The following GSTM3 variants were observed in gnomAD, a reference collection of about 807,000 sequenced individuals.
GSTM3 encodes glutathione S-transferase mu 3.
In GSTM3, 34 loss-of-function variants were observed where a neutral mutation model predicts 36.1. That is an observed-to-expected ratio of 0.94 (90% CI 0.72 to 1.25). GSTM3 has a LOEUF of 1.25. Among genes scored for constraint, GSTM3 ranks in the 50% most tolerant of loss-of-function variants. The pLI is 0.00. For missense variants in GSTM3, 266 were observed against 281.6 expected (o/e 0.94, Z 0.40); for synonymous variants, 102 against 99.5 (o/e 1.03, Z -0.15).
intron 8 of GSTM3, 45 bp downstream of exon 8, chr1:109,737,412 G>A (rs1188160129): frequency 8.3e-7 from 1 of 1,203,444 alleles, no homozygotes; most frequent in Non-Finnish European, 1.2e-6. Context: ...GGTCCCAGGG[G>A]AGCCTGTGAG....
intron 4 of GSTM3, among the ~76,000 whole-genome samples, chr1:109,738,637 A>G (rs1384366639): frequency 6.6e-6 from 1 of 152,204 alleles, no homozygotes; most frequent in Non-Finnish European, 1.5e-5. Flanking sequence ...CAAAATAGAT[A>G]ATTTACACAA....
Position 109,736,059 on chromosome 1 carries a change from T to C in GSTM3, c.*1012A>G, listed in dbSNP as rs1649191264. ...TTGACCAGCAGGAAATGCATATCAC[T>C]TTCCTAAGCCTTGCCAACACTTTAG... is the stretch of plus-strand genomic sequence containing the variant. On this transcript the variant is annotated 3_prime_UTR_variant, in exon 9 of 9. Coordinates refer to ENST00000361066, the MANE Select transcript of GSTM3 (RefSeq NM_000849.5). 1 of 152,240 alleles carries C rather than the reference T, an allele frequency of 6.6e-6. No homozygotes were observed. The highest frequency in any genetic ancestry group is 2.4e-5 in the African/African-American group (1 of 41,464). The allele number at this position is 152,240 out of a possible 1,614,324, so 9.4% of individuals were successfully genotyped here.
chr1:109,738,276 C>T lies in GSTM3; in HGVS notation c.271+9G>A. The T allele has an allele frequency of 6.2e-7, 1 of 1,611,478 alleles. No homozygotes were observed. Among genetic ancestry groups the T allele is most frequent in the Non-Finnish European group, 8.5e-7 (1 of 1,177,518 alleles). ...GCCTGGGGTCCCTCACCAGCCCTAC[C>T]CCACTCACACATGTTGTGCTTGCGA... On this transcript the variant is annotated intron_variant, in intron 5 of 8. Transcript: ENST00000361066.
Position 109,739,840 on chromosome 1 carries a change from G to A in GSTM3, c.117C>T (p.Cys39=), listed in dbSNP as rs1477061826. ...DTSYEEKRYT[C]GEAPDYDRSQ... Reference sequence around the variant, plus strand: ...CACGCGGAGCGGCATTACCTTCCCCGCACGTGTACCGTTTCTCCTCATAAG... The same window carrying A: ...CACGCGGAGCGGCATTACCTTCCCCACACGTGTACCGTTTCTCCTCATAAG... The change falls in exon 3 of 9, where the codon TGC becomes TGT. Residue 39 remains cysteine, a synonymous_variant. Coordinates refer to ENST00000361066, the MANE Select transcript of GSTM3 (RefSeq NM_000849.5). The A allele has an allele frequency of 6.5e-7, 1 of 1,550,198 alleles. No individual in the cohort carries two copies. The highest frequency in any genetic ancestry group is 8.7e-7 in the Non-Finnish European group (1 of 1,145,182).
intron 4 of GSTM3, 55 bp from the exon 5 acceptor site, chr1:109,738,421 C>T (rs971693387): frequency 7.2e-6 from 8 of 1,118,852 alleles, no homozygotes; most frequent in African/African-American, 1.5e-5. Context: ...TGATTCCCTA[C>T]CTCTCTCTCC....
chr1:109,740,681 G>A (rs868451547), intron 1 of GSTM3, among the ~76,000 whole-genome samples, 170 bp from the exon 2 acceptor site: 1 of 152,240 alleles, frequency 6.6e-6, no homozygotes, highest in South Asian at 2.1e-4. Context: ...TACCGAGCCA[G>A]CCGGGGCTGG....
rs200209906 is a variant in GSTM3, at chr1:109,740,337, G to A, written c.-50C>T. Reference sequence around the variant, plus strand: ...GGACTAGGGAAACTGTGAGCGGGAGGGGCTTTATACCCGACATAAGGGGGC... The same window carrying A: ...GGACTAGGGAAACTGTGAGCGGGAGAGGCTTTATACCCGACATAAGGGGGC... On this transcript the variant is annotated 5_prime_UTR_variant, in exon 2 of 9. Transcript: ENST00000361066. 8 of 1,562,402 alleles carry A rather than the reference G, an allele frequency of 5.1e-6. No homozygotes were observed. In the African/African-American group the frequency reaches 9.5e-5, roughly 19 times the overall value.
In GSTM3 at chr1:109,740,728, C is replaced by T. The variant is rs561423475; in HGVS notation, c.-224-217G>A. Among the ~76,000 whole-genome samples the T allele has an allele frequency of 3.9e-5, 6 of 152,340 alleles. No homozygotes were observed. The South Asian group carries it at 1.2e-3, about 32-fold the overall frequency. On this transcript the variant is annotated intron_variant, in intron 1 of 8. Coordinates refer to ENST00000361066, the MANE Select transcript of GSTM3 (RefSeq NM_000849.5). ...GAAGACTGGGGCAAGGCCGGAGAGT[C>T]AGACCAGCCTCTGACCACACAGAGC...
chr1:109,740,573 CTTCA>C, intron 1 of GSTM3, 62 bp from the exon 2 acceptor site: 1 of 490,814 alleles, frequency 2.0e-6, no homozygotes, highest in Non-Finnish European at 3.6e-6. Context: ...GGGAGCCAGA[CTTCA>C]TTCATTAATG....
At position 109,737,371 on chromosome 1, in the gene GSTM3, G is replaced by A. The variant is rs55646044; in HGVS notation, c.579+86C>T. ...CCATTGATCCCATTAGGCAAAAGCC[G>A]GGGAAGAATCCTCCACTATGGGATC... On this transcript the variant is annotated intron_variant, in intron 8 of 8. Coordinates refer to ENST00000361066, the MANE Select transcript of GSTM3 (RefSeq NM_000849.5). The A allele has an allele frequency of 9.1e-3, 8,608 of 951,012 alleles. 47 individuals are homozygous for A. Among genetic ancestry groups the A allele is most frequent in the Non-Finnish European group, 0.013 (7,272 of 577,852 alleles). 58.9% of individuals were successfully genotyped at this position (951,012 alleles called of 1,614,324 possible).
rs1393782526 is a variant in GSTM3, at chr1:109,735,122, T to A, written c.*1949A>T. The A allele has an allele frequency of 6.6e-6, 1 of 152,250 alleles. No homozygotes were observed. The highest frequency in any genetic ancestry group is 1.5e-5 in the Non-Finnish European group (1 of 68,048). The allele number at this position is 152,250 out of a possible 1,614,324, so 9.4% of individuals were successfully genotyped here. Reference sequence around the variant, plus strand: ...GGGCCTTTATCCCACTTGCCTGCAGTAAGACTGTTATGAGTTTGGTGTTTC... The same window carrying A: ...GGGCCTTTATCCCACTTGCCTGCAGAAAGACTGTTATGAGTTTGGTGTTTC... On this transcript the variant is annotated 3_prime_UTR_variant, in exon 9 of 9. Coordinates refer to ENST00000361066, the MANE Select transcript of GSTM3 (RefSeq NM_000849.5).
At chr1:109,737,861 C>T (rs1649249752) in intron 6 of GSTM3, 110 bp from the exon 7 acceptor site, 1 of 749,832 alleles carries the variant, frequency 1.3e-6, no homozygotes, top group African/African-American at 1.8e-5. Flanking sequence ...GTTCTCATTG[C>T]CTTCACTTGA....
chr1:109,740,029 G>T, intron 2 of GSTM3, 121 bp from the exon 3 acceptor site: 1 of 929,498 alleles, frequency 1.1e-6, no homozygotes. Context: ...TGGTTAAGCG[G>T]CCCCTAGGCC....
chr1:109,737,016 C>G lies in GSTM3; in HGVS notation c.*55G>C. ...CATTGAAAAGAGCAAAGCAAGAGCG[C>G]TGACCCCTTACGGACAGGATGAAAC... On this transcript the variant is annotated 3_prime_UTR_variant, in exon 9 of 9. Coordinates refer to ENST00000361066, the MANE Select transcript of GSTM3 (RefSeq NM_000849.5). 1 of 1,070,494 alleles carries G rather than the reference C, an allele frequency of 9.3e-7. No homozygotes were observed. 66.3% of individuals were successfully genotyped at this position (1,070,494 alleles called of 1,614,324 possible).
chr1:109,739,819 C>T lies in GSTM3; in HGVS notation c.124+14G>A. The T allele has an allele frequency of 1.3e-6, 2 of 1,539,634 alleles. No individual in the cohort carries two copies. Among genetic ancestry groups the T allele is most frequent in the African/African-American group, 1.4e-5 (1 of 72,978 alleles). ...GGGCCAGCTTGGCTGCACGGGCACG[C>T]GGAGCGGCATTACCTTCCCCGCACG... On this transcript the variant is annotated intron_variant, in intron 3 of 8. Transcript: ENST00000361066.
rs184640844 is a variant in GSTM3 at position 109,738,558 on chromosome 1, G to C, written c.190-192C>G. 7.8e-4 allele frequency among the ~76,000 whole-genome samples: 119 copies of C among 152,334 alleles called. 1 individual carries two copies. The Middle Eastern group carries it at 0.02, about 26-fold the overall frequency. On this transcript the variant is annotated intron_variant, in intron 4 of 8. Coordinates refer to ENST00000361066, the MANE Select transcript of GSTM3 (RefSeq NM_000849.5). The stretch of plus-strand genomic sequence containing the variant: ...TCTAGACAGGGGTTCTTAAATTGGT[G>C]TGTGTATGTGTGAGTGTATGTGCAT...
Position 109,737,107 on chromosome 1 carries a change from G to T in GSTM3, c.642C>A (p.Asn214Lys), listed in dbSNP as rs769305502. The change falls in exon 9 of 9, where the codon AAC becomes AAA. Residue 214 changes from asparagine to lysine, a missense_variant. By Grantham distance (94) the Asn-to-Lys change is moderately conservative. Coordinates refer to ENST00000361066, the MANE Select transcript of GSTM3 (RefSeq NM_000849.5). ...SDQFCKMPIN[N>K]KMAQWGNKPV... is the part of the protein sequence containing the mutation. ...GCTTGTTGCCCCACTGGGCCATCTT[G>T]TTGTTGATGGGCATCTTGCAGAACT... 1 of 1,613,196 alleles carries T rather than the reference G, an allele frequency of 6.2e-7. No individual in the cohort carries two copies. Among genetic ancestry groups the T allele is most frequent in the Non-Finnish European group, 8.5e-7 (1 of 1,179,108 alleles).
At chr1:109,739,530 TAATACCCCACCTG>T (rs754954461) in intron 3 of GSTM3, 37 bp from the exon 4 acceptor site, 1 of 1,460,290 alleles carries the variant, frequency 6.8e-7, no homozygotes, top group Admixed American at 1.7e-5. Flanking sequence ...CCAACCTCCT[TAATACCCCACCTG>T]ACAAGAGCAA....
chr1:109,739,560 T>A, intron 3 of GSTM3, 67 bp from the exon 4 acceptor site: 1 of 1,183,292 alleles, frequency 8.5e-7, no homozygotes, highest in Non-Finnish European at 1.3e-6. Flanking sequence ...GCAAAAGATC[T>A]AAAGAAATGA....
Sources: gnomAD v4.1 joint callset for allele counts (sites outside exome capture counted in the v4.1 genomes callset) on GRCh38, gnomAD v4.1.1 for gene constraint, MANE v1.5 for transcripts, NCBI Gene and HGNC (gene_info 2026-07-23, HGNC 2026-07-21) for gene names.